PDE11A: variants seen among roughly 807,000 people sequenced by gnomAD.
The protein encoded by PDE11A is phosphodiesterase 11A, also known as dual 3',5'-cyclic-AMP and -GMP phosphodiesterase 11A.
A neutral mutation model predicts 100.5 loss-of-function variants in PDE11A; 100 were observed. The observed-to-expected ratio is 1.00, with a 90% CI of 0.85 to 1.18. The LOEUF (loss-of-function observed/expected upper bound fraction) is 1.18. Among genes scored for constraint, PDE11A ranks in the 50% most tolerant of loss-of-function variants. The pLI, the probability that PDE11A is intolerant of heterozygous loss-of-function variation, is 0.00. For missense variants in PDE11A, 1,141 were observed against 1,152.6 expected (o/e 0.99, Z 0.15); for synonymous variants, 381 against 420.8 (o/e 0.91, Z 1.16).
At chr2:177,714,902 G>A (rs1448483559) in intron 12 of PDE11A, among the ~76,000 whole-genome samples, 1 of 152,070 alleles carries the variant, frequency 6.6e-6, no homozygotes, top group South Asian at 2.1e-4. Flanking sequence ...TGACCCTGGG[G>A]TCTGGTCTGG....
chr2:177,914,319 G>A (rs2084922046), intron 2 of PDE11A, among the ~76,000 whole-genome samples: 1 of 152,016 alleles, frequency 6.6e-6, no homozygotes, highest in East Asian at 1.9e-4. Flanking sequence ...ATTGTCATCT[G>A]TTTGATATAA....
chr2:177,710,085 A>G (rs1201778101), intron 13 of PDE11A, among the ~76,000 whole-genome samples: 1 of 151,998 alleles, frequency 6.6e-6, no homozygotes, highest in Non-Finnish European at 1.5e-5. Context: ...TAGGATGCAG[A>G]CAGCCAGCAG....
At chr2:177,670,620 G>A (rs2080664471) in intron 17 of PDE11A, among the ~76,000 whole-genome samples, 2 of 152,120 alleles carry the variant, frequency 1.3e-5, no homozygotes, top group Admixed American at 1.3e-4. Context: ...AAGTTCTTAT[G>A]AAGATAAGGT....
In PDE11A at chr2:177,958,181, G is replaced by A. The variant is rs538169006; in HGVS notation, c.1072-52994C>T. ...GCTGCAATTACAGGTGTGAGCCACC[G>A]TGCCCGGCCTCAATGCATTTTAAAA... On this transcript the variant is annotated intron_variant, in intron 2 of 19. Transcript: ENST00000286063. 3.9e-4 allele frequency among the ~76,000 whole-genome samples: 59 copies of A among 152,148 alleles called. No individual in the cohort carries two copies. In the South Asian group the frequency reaches 5.4e-3, roughly 14 times the overall value.
At chr2:177,954,173 A>G (rs749423938) in intron 2 of PDE11A, among the ~76,000 whole-genome samples, 22 of 151,968 alleles carry the variant, frequency 1.4e-4, no homozygotes, top group Non-Finnish European at 2.2e-4. Context: ...GAAATCCTCA[A>G]TCCTACAGAT....
At chr2:178,050,515 T>G (rs965311198) in intron 1 of PDE11A, among the ~76,000 whole-genome samples, 1 of 152,066 alleles carries the variant, frequency 6.6e-6, no homozygotes, top group Admixed American at 6.6e-5. Context: ...CTTTGACGAG[T>G]TGAGAGAAGA....
intron 2 of PDE11A, among the ~76,000 whole-genome samples, chr2:177,925,712 G>A (rs1423547670): frequency 1.3e-5 from 2 of 152,186 alleles, no homozygotes; most frequent in Admixed American, 6.5e-5. Flanking sequence ...TACAAGGCAG[G>A]CGTGGGTTGG....
chr2:177,730,696 C>T (rs1471615769), intron 10 of PDE11A, among the ~76,000 whole-genome samples: 2 of 152,110 alleles, frequency 1.3e-5, no homozygotes, highest in East Asian at 1.9e-4. Context: ...TTTTATTTCA[C>T]GGATACAATA....
chr2:177,771,897 G>A (rs2082315772), intron 9 of PDE11A, among the ~76,000 whole-genome samples: 1 of 152,082 alleles, frequency 6.6e-6, no homozygotes. Flanking sequence ...AGCTACTTGG[G>A]AGGCTGAGGC....
At chr2:177,778,321 T>C (rs2082406659) in intron 9 of PDE11A, among the ~76,000 whole-genome samples, 1 of 152,182 alleles carries the variant, frequency 6.6e-6, no homozygotes, top group South Asian at 2.1e-4. Flanking sequence ...GTCTTGAATG[T>C]TAATTTGTTG....
At chr2:177,693,916 G>A (rs766375194) in intron 15 of PDE11A, among the ~76,000 whole-genome samples, 38 of 152,300 alleles carry the variant, frequency 2.5e-4, no homozygotes, top group Admixed American at 3.3e-4. Flanking sequence ...ACATCGGGGC[G>A]ACAGTTTGTA....
intron 4 of PDE11A, among the ~76,000 whole-genome samples, chr2:177,890,137 A>G: frequency 6.6e-6 from 1 of 152,248 alleles, no homozygotes; most frequent in Non-Finnish European, 1.5e-5. Flanking sequence ...TGCTTACTGT[A>G]AAGTCCAATA....
chr2:177,769,375 T>C lies in PDE11A; in HGVS notation c.1738-2A>G. 1 of 1,560,478 alleles carries C rather than the reference T, an allele frequency of 6.4e-7. No homozygotes were observed. Among genetic ancestry groups the C allele is most frequent in the Non-Finnish European group, 8.8e-7 (1 of 1,131,296 alleles). ...ACATGTTGCATGGTATGATAGCACC[T>C]GATTCAGAAGAAAAAAAAATAATTT... On this transcript the variant is annotated splice_acceptor_variant, in intron 9 of 19. Coordinates refer to ENST00000286063, the MANE Select transcript of PDE11A (RefSeq NM_016953.4). LOFTEE classifies it high-confidence loss of function.
At chr2:177,644,330 C>G (rs2080189018) in intron 19 of PDE11A, among the ~76,000 whole-genome samples, 1 of 152,244 alleles carries the variant, frequency 6.6e-6, no homozygotes, top group Admixed American at 6.5e-5. Context: ...ATTAGCATAA[C>G]CTGGATGCTA....
chr2:177,660,102 TC>T (rs1559130787), intron 19 of PDE11A, among the ~76,000 whole-genome samples: 4 of 94,758 alleles, frequency 4.2e-5, no homozygotes, highest in African/African-American at 3.6e-5. Flanking sequence ...TTTCTTTCTC[TC>T]TCTCTCTCTT....
At chr2:177,763,048 A>G (rs1451418865) in intron 10 of PDE11A, among the ~76,000 whole-genome samples, 1 of 152,176 alleles carries the variant, frequency 6.6e-6, no homozygotes, top group Non-Finnish European at 1.5e-5. Flanking sequence ...TGATTAAGAC[A>G]CAATTCATAC....
intron 14 of PDE11A, among the ~76,000 whole-genome samples, chr2:177,699,163 A>T (rs76873046): frequency 1.3e-5 from 2 of 152,190 alleles, no homozygotes; most frequent in Non-Finnish European, 2.9e-5. Context: ...CTTACACAAA[A>T]CTAGATGATA....
intron 1 of PDE11A, among the ~76,000 whole-genome samples, chr2:178,069,619 C>T (rs1379817354): frequency 1.3e-5 from 2 of 151,988 alleles, no homozygotes; most frequent in African/African-American, 2.4e-5. Flanking sequence ...CCAATGTCAG[C>T]TTCCAAAAAT....
chr2:177,726,660 G>GCT (rs2081603625), intron 12 of PDE11A, among the ~76,000 whole-genome samples: 1 of 142,850 alleles, frequency 7.0e-6, no homozygotes, highest in Non-Finnish European at 1.5e-5. Flanking sequence ...ATGAGGCAGA[G>GCT]TTTTTTTTTT....
Sources: gnomAD v4.1 joint callset for allele counts (sites outside exome capture counted in the v4.1 genomes callset) on GRCh38, gnomAD v4.1.1 for gene constraint, MANE v1.5 for transcripts, NCBI Gene and HGNC (gene_info 2026-07-23, HGNC 2026-07-21) for gene names.